The following DNAH11 variants were observed in gnomAD, a reference collection of about 807,000 sequenced individuals.
DNAH11 encodes axonemal beta dynein heavy chain 11.
In DNAH11, 442 loss-of-function variants were observed where a neutral mutation model predicts 526.0. The ratio of observed to expected loss-of-function variants is 0.84; its 90% CI spans 0.78 to 0.91. The LOEUF is 0.91. DNAH11 is among the 40% of genes least tolerant of loss of function. The pLI is 0.00. For missense variants in DNAH11, 6,989 were observed against 5,448.7 expected (o/e 1.28, Z -8.90); for synonymous variants, 2,461 against 1,935.9 (o/e 1.27, Z -7.12).
chr7:21,801,059 T>A, intron 61 of DNAH11, 78 bp from the exon 62 acceptor site: 1 of 1,459,864 alleles, frequency 6.8e-7, no homozygotes, highest in Non-Finnish European at 9.4e-7. Flanking sequence ...TACCTTACAG[T>A]AACAGATGTT....
intron 70 of DNAH11, among the ~76,000 whole-genome samples, chr7:21,866,003 G>A (rs62445882): frequency 0.034 from 5,154 of 152,242 alleles, 125 homozygotes; most frequent in Non-Finnish European, 0.053. Flanking sequence ...GGTTTTGTTG[G>A]GTTTTAGCCA....
At chr7:21,810,415 G>C (rs1022003199) in intron 63 of DNAH11, among the ~76,000 whole-genome samples, 1 of 152,092 alleles carries the variant, frequency 6.6e-6, no homozygotes, top group Non-Finnish European at 1.5e-5. Context: ...GATGGACATG[G>C]GCACAGATAT....
intron 52 of DNAH11, among the ~76,000 whole-genome samples, chr7:21,749,170 G>A (rs761990859): frequency 6.6e-6 from 1 of 152,118 alleles, no homozygotes; most frequent in African/African-American, 2.4e-5. Context: ...GGAATAACAC[G>A]TTTAGGAAAC....
In DNAH11 at chr7:21,691,464, C is replaced by T. The variant is rs537268004; in HGVS notation, c.6041+583C>T. 1.2e-3 allele frequency among the ~76,000 whole-genome samples: 182 copies of T among 152,018 alleles called. 2 individuals carry two copies. The highest frequency in any genetic ancestry group is 2.0e-3 in the Non-Finnish European group (134 of 67,962). ...GGGACACACATTCGTTCAAATCTGACGGGCAAAGCCAGGGCCTAGCCCACT... is the reference window on the plus strand; with the variant it reads ...GGGACACACATTCGTTCAAATCTGATGGGCAAAGCCAGGGCCTAGCCCACT... On this transcript the variant is annotated intron_variant, in intron 35 of 81. Coordinates refer to ENST00000409508, the MANE Select transcript of DNAH11 (RefSeq NM_001277115.2).
At chr7:21,900,900 A>G (rs1267373707) in intron 81 of DNAH11, 107 bp from the exon 82 acceptor site, 2 of 1,474,568 alleles carry the variant, frequency 1.4e-6, no homozygotes, top group African/African-American at 2.8e-5. Context: ...AAGCAAAAAT[A>G]TGACAAAACC....
chr7:21,619,922 T>C, intron 24 of DNAH11, 34 bp from the exon 25 acceptor site: 1 of 1,527,568 alleles, frequency 6.5e-7, no homozygotes, highest in Middle Eastern at 1.7e-4. Context: ...ATCAATTAAA[T>C]TTTGTGCACA....
intron 40 of DNAH11, among the ~76,000 whole-genome samples, chr7:21,709,449 G>A (rs553957139): frequency 4.6e-5 from 7 of 152,182 alleles, no homozygotes; most frequent in African/African-American, 1.7e-4. Context: ...GAGCAGCAGG[G>A]GATGAAAAAC....
At chr7:21,683,167 A>G (rs1420133125) in intron 31 of DNAH11, among the ~76,000 whole-genome samples, 4 of 151,530 alleles carry the variant, frequency 2.6e-5, no homozygotes, top group Non-Finnish European at 5.9e-5. Context: ...CATCAGACAA[A>G]TTAGTATACA....
At chr7:21,746,032 G>A (rs766602040) in intron 51 of DNAH11, among the ~76,000 whole-genome samples, 8 of 152,186 alleles carry the variant, frequency 5.3e-5, no homozygotes, top group African/African-American at 1.4e-4. Context: ...TTACCAATAC[G>A]AAGTATTTCC....
At chr7:21,805,637 C>T (rs116626001) in intron 62 of DNAH11, among the ~76,000 whole-genome samples, 137 of 152,124 alleles carry the variant, frequency 9.0e-4, no homozygotes, top group African/African-American at 3.1e-3. Flanking sequence ...GACTGTTTTC[C>T]GGGACTAGTT....
intron 44 of DNAH11, among the ~76,000 whole-genome samples, chr7:21,723,106 C>G (rs1784945917): frequency 6.6e-6 from 1 of 152,184 alleles, no homozygotes; most frequent in Non-Finnish European, 1.5e-5. Context: ...AAAACAGAGG[C>G]TATGAGGTTG....
Position 21,852,572 on chromosome 7 carries a change from A to G in DNAH11, c.11002A>G (p.Thr3668Ala), listed in dbSNP as rs1346149875. The G allele has an allele frequency of 1.2e-6, 2 of 1,611,706 alleles. No homozygotes were observed. The highest frequency in any genetic ancestry group is 1.3e-5 in the African/African-American group (1 of 74,740). ...SAAEGSFLDD[T>A]KLVERLEATK... The stretch of plus-strand genomic sequence containing the variant: ...GGCAGAGGGAAGCTTTCTGGATGAC[A>G]CCAAACTGGTAGAGAGATTGGAGGC... Residue 3668 changes from threonine to alanine, a missense_variant, in exon 67 of 82, where the codon ACC becomes GCC. Coordinates refer to ENST00000409508, the MANE Select transcript of DNAH11 (RefSeq NM_001277115.2).
At chr7:21,685,195 T>C (rs995905551) in intron 32 of DNAH11, among the ~76,000 whole-genome samples, 2 of 152,182 alleles carry the variant, frequency 1.3e-5, no homozygotes, top group African/African-American at 2.4e-5. Context: ...TTGCTTTCAG[T>C]GAGAGGGATT....
At position 21,635,895 on chromosome 7, in the gene DNAH11, A is replaced by G. The variant is rs766003010; in HGVS notation, c.4525A>G (p.Ser1509Gly). 1 of 1,612,022 alleles carries G rather than the reference A, an allele frequency of 6.2e-7. No homozygotes were observed. The highest frequency in any genetic ancestry group is 8.5e-7 in the Non-Finnish European group (1 of 1,178,976). The part of the protein sequence containing the change: ...NQVQLQTLLQ[S>G]KYVEYFIEQV... ...GGTTCAGTTGCAGACTCTTCTTCAA[A>G]GCAAGTATGTAGAATATTTCATTGA... Residue 1509 changes from serine to glycine, a missense_variant, in exon 26 of 82, where the codon AGC becomes GGC. Transcript: ENST00000409508.
intron 18 of DNAH11, among the ~76,000 whole-genome samples, chr7:21,604,626 T>G (rs1785213831): frequency 1.3e-5 from 2 of 152,190 alleles, no homozygotes; most frequent in African/African-American, 4.8e-5. Context: ...CTTGAGTGGA[T>G]CATCTGACTT....
At chr7:21,746,353 C>T (rs1786151916) in intron 51 of DNAH11, among the ~76,000 whole-genome samples, 1 of 152,054 alleles carries the variant, frequency 6.6e-6, no homozygotes, top group Non-Finnish European at 1.5e-5. Context: ...CCTGTAATCC[C>T]AGCACTTTGG....
At chr7:21,816,418 C>T (rs1285749766) in intron 63 of DNAH11, 49 bp from the exon 64 acceptor site, 1 of 1,413,864 alleles carries the variant, frequency 7.1e-7, no homozygotes, top group Non-Finnish European at 9.8e-7. Context: ...TGTCTGTCTT[C>T]TCTCTCTGCC....
intron 65 of DNAH11, among the ~76,000 whole-genome samples, chr7:21,838,024 C>T (rs559288225): frequency 1.3e-5 from 2 of 152,224 alleles, no homozygotes; most frequent in African/African-American, 2.4e-5. Context: ...TAGGCTGAGT[C>T]AAAAGAACTA....
chr7:21,869,313 A>G lies in DNAH11; in HGVS notation c.11967+322A>G, dbSNP rs115298368. Among the ~76,000 whole-genome samples, 3,036 of 152,284 alleles carry G rather than the reference A, an allele frequency of 0.02. 104 individuals carry two copies. Among genetic ancestry groups the G allele is most frequent in the African/African-American group, 0.069 (2,852 of 41,550 alleles). On this transcript the variant is annotated intron_variant, in intron 73 of 81. Coordinates refer to ENST00000409508, the MANE Select transcript of DNAH11 (RefSeq NM_001277115.2). ...AACACGCAGGCTTGTTTAGATTGCT[A>G]ACAGTGTTATCATAGTATCTGGGTT...
Sources: gnomAD v4.1 joint callset for allele counts (sites outside exome capture counted in the v4.1 genomes callset) on GRCh38, gnomAD v4.1.1 for gene constraint, MANE v1.5 for transcripts, NCBI Gene and HGNC (gene_info 2026-07-23, HGNC 2026-07-21) for gene names.